Variants in RGS7 observed in about 807,000 individuals in gnomAD.
The protein encoded by RGS7 is regulator of G protein signaling 7.
A neutral mutation model predicts 81.1 loss-of-function variants in RGS7; 27 were observed. That is an observed-to-expected ratio of 0.33 (90% CI 0.25 to 0.46). The LOEUF is 0.46. Ranked by LOEUF, RGS7 falls within the 20% of genes least tolerant of loss-of-function variation. The pLI is 1.00. For synonymous variants in RGS7, 208 were observed against 207.7 expected (o/e 1.00, Z -0.01); for missense variants, 396 against 607.4 (o/e 0.65, Z 3.66).
At chr1:241,187,888 C>T (rs887709079) in intron 2 of RGS7, among the ~76,000 whole-genome samples, 2 of 152,052 alleles carry the variant, frequency 1.3e-5, no homozygotes, top group African/African-American at 2.4e-5. Context: ...TAACAAAGAT[C>T]TACTTCACTG....
chr1:240,884,121 T>C (rs1666933880), intron 6 of RGS7, among the ~76,000 whole-genome samples: 2 of 147,570 alleles, frequency 1.4e-5, no homozygotes, highest in South Asian at 4.3e-4. Context: ...AAGAGTAGTA[T>C]TGAAGTGCTG....
intron 2 of RGS7, among the ~76,000 whole-genome samples, chr1:241,343,550 C>T (rs2082703807): frequency 1.3e-5 from 2 of 152,146 alleles, no homozygotes; most frequent in Admixed American, 6.5e-5. Context: ...GGACGTTATG[C>T]TATGGAAATA....
At chr1:241,243,307 G>A (rs1199082265) in intron 2 of RGS7, among the ~76,000 whole-genome samples, 1 of 152,186 alleles carries the variant, frequency 6.6e-6, no homozygotes, top group East Asian at 1.9e-4. Context: ...GTAGGCCATG[G>A]AAAGCAATCT....
intron 2 of RGS7, among the ~76,000 whole-genome samples, chr1:241,168,221 T>C (rs1197967552): frequency 6.6e-6 from 1 of 151,974 alleles, no homozygotes; most frequent in Admixed American, 6.6e-5. Context: ...ATGTGGAAAA[T>C]GGCACCAGCA....
At chr1:241,010,083 A>T (rs966499219) in intron 3 of RGS7, among the ~76,000 whole-genome samples, 5 of 152,230 alleles carry the variant, frequency 3.3e-5, no homozygotes, top group Admixed American at 2.0e-4. Context: ...CACCTAATGT[A>T]AATGACTAGT....
At chr1:240,968,036 C>A (rs1411047134) in intron 4 of RGS7, among the ~76,000 whole-genome samples, 6 of 152,148 alleles carry the variant, frequency 3.9e-5, no homozygotes, top group Non-Finnish European at 1.5e-5. Context: ...CAACCAATAT[C>A]CAATATCCCA....
At chr1:240,781,413 C>G (rs964621413) in intron 18 of RGS7, among the ~76,000 whole-genome samples, 2 of 152,124 alleles carry the variant, frequency 1.3e-5, no homozygotes, top group Non-Finnish European at 2.9e-5. Context: ...CGAGACCAGT[C>G]TGGCCAACAT....
chr1:241,185,111 C>T (rs1460019976), intron 2 of RGS7, among the ~76,000 whole-genome samples: 2 of 152,122 alleles, frequency 1.3e-5, no homozygotes, highest in African/African-American at 4.8e-5. Context: ...GTGTGTATAA[C>T]CTTATAGCAT....
intron 2 of RGS7, among the ~76,000 whole-genome samples, chr1:241,248,626 T>G (rs1206444111): frequency 6.6e-6 from 1 of 152,040 alleles, no homozygotes; most frequent in Non-Finnish European, 1.5e-5. Flanking sequence ...AAATTTCTTC[T>G]ATCTCCTCCA....
chr1:241,182,427 C>T (rs947319533), intron 2 of RGS7, among the ~76,000 whole-genome samples: 4 of 152,150 alleles, frequency 2.6e-5, no homozygotes, highest in Admixed American at 2.6e-4. Flanking sequence ...GCTTACAAAG[C>T]ATTTGGGACA....
chr1:240,810,052 A>G (rs1689572718), intron 14 of RGS7, among the ~76,000 whole-genome samples: 1 of 152,122 alleles, frequency 6.6e-6, no homozygotes, highest in Non-Finnish European at 1.5e-5. Flanking sequence ...CTCTTTTTCC[A>G]AAGGCATCTT....
At chr1:241,037,634 TCTC>T (rs2060397756) in intron 3 of RGS7, among the ~76,000 whole-genome samples, 2 of 149,994 alleles carry the variant, frequency 1.3e-5, no homozygotes, top group African/African-American at 2.5e-5. Context: ...GGCAGGAGAA[TCTC>T]CTGAGCCCAG....
At chr1:240,789,186 C>T (rs545723751) in intron 18 of RGS7, among the ~76,000 whole-genome samples, 37 of 147,628 alleles carry the variant, frequency 2.5e-4, no homozygotes, top group African/African-American at 8.9e-4. Context: ...TTCATGGACA[C>T]TTACCACTTC....
chr1:241,027,370 C>T (rs1335065068), intron 3 of RGS7, among the ~76,000 whole-genome samples: 6 of 152,036 alleles, frequency 3.9e-5, no homozygotes, highest in African/African-American at 7.2e-5. Flanking sequence ...ATAAGAAATT[C>T]GTTTTAATTC....
intron 3 of RGS7, among the ~76,000 whole-genome samples, chr1:241,049,172 C>A (rs2148798767): frequency 6.6e-6 from 1 of 152,236 alleles, no homozygotes; most frequent in East Asian, 1.9e-4. Flanking sequence ...TTTAACATAT[C>A]TTTTTTGGGG....
intron 2 of RGS7, among the ~76,000 whole-genome samples, chr1:241,122,592 G>A (rs1222548118): frequency 6.6e-6 from 1 of 151,426 alleles, no homozygotes; most frequent in Non-Finnish European, 1.5e-5. Flanking sequence ...AACCCCGAGA[G>A]GCAGAGATTG....
intron 2 of RGS7, among the ~76,000 whole-genome samples, chr1:241,238,781 G>T (rs1015103910): frequency 2.6e-5 from 4 of 151,970 alleles, no homozygotes; most frequent in African/African-American, 9.7e-5. Flanking sequence ...AAAATAAAAA[G>T]ATAATTAAGA....
intron 2 of RGS7, among the ~76,000 whole-genome samples, chr1:241,351,981 T>C (rs1464177014): frequency 2.0e-5 from 3 of 152,132 alleles, no homozygotes; most frequent in Non-Finnish European, 4.4e-5. Flanking sequence ...CCTAGAAATT[T>C]TGTTTTTCAA....
At chr1:241,089,063 C>CTCTCTCTCTCTCTATATATA (rs1374552672) in intron 3 of RGS7, among the ~76,000 whole-genome samples, 2 of 23,682 alleles carry the variant, frequency 8.4e-5, no homozygotes, top group African/African-American at 4.6e-4. Context: ...CTCTCTCTCT[C>CTCTCTCTCTCTCTATATATA]TATATATATA....
Sources: gnomAD v4.1 joint callset for allele counts (sites outside exome capture counted in the v4.1 genomes callset) on GRCh38, gnomAD v4.1.1 for gene constraint, MANE v1.5 for transcripts, NCBI Gene and HGNC (gene_info 2026-07-23, HGNC 2026-07-21) for gene names.